GANC: variants seen among roughly 807,000 people sequenced by gnomAD.
The protein encoded by GANC is glucosidase alpha, neutral C.
GANC carries 117 observed loss-of-function variants against 124.2 expected under a neutral mutation model. The ratio of observed to expected loss-of-function variants is 0.94; its 90% confidence interval spans 0.81 to 1.10. GANC has a LOEUF of 1.10. GANC is among the 50% of genes least tolerant of loss of function. The probability of loss-of-function intolerance (pLI) is 0.00; values close to 1 mark genes in which losing one functional copy is unlikely to be tolerated. For synonymous variants in GANC, 377 were observed against 376.8 expected (o/e 1.00, Z -0.01); for missense variants, 1,140 against 1,095.0 (o/e 1.04, Z -0.58).
Position 42,345,773 on chromosome 15 carries a change from A to G in GANC, c.2245A>G (p.Lys749Glu). 6.2e-7 allele frequency: 1 copy of G among 1,611,058 alleles called. No homozygotes were observed. Among genetic ancestry groups the G allele is most frequent in the Non-Finnish European group, 8.5e-7 (1 of 1,177,338 alleles). The change falls in exon 20 of 24, where the codon AAG becomes GAG. Residue 749 changes from lysine (K) to glutamate (E), a missense_variant. Coordinates refer to ENST00000318010, the MANE Select transcript of GANC (RefSeq NM_198141.3). Reference protein sequence around the residue: ...PGSNEVWYDYKTFAHWEGGCT... With the variant: ...PGSNEVWYDYETFAHWEGGCT... ...TACTTTCTAGGTCTGGTATGACTAT[A>G]AGACATTTGCTCATTGGGAAGGAGG... is the stretch of plus-strand genomic sequence containing the variant.
At chr15:42,329,604 A>G (rs1044492749) in intron 14 of GANC, 155 bp downstream of exon 14, 4 of 530,118 alleles carry the variant, frequency 7.5e-6, no homozygotes, top group Non-Finnish European at 1.2e-5. Context: ...TAGCCAATAC[A>G]AGACTTTTTA....
At chr15:42,292,627 T>C in intron 4 of GANC, 108 bp from the exon 5 acceptor site, 4 of 1,087,832 alleles carry the variant, frequency 3.7e-6, no homozygotes, top group Non-Finnish European at 5.3e-6. Context: ...TATCTATGGC[T>C]ATGTCACATG....
rs867813136 is a variant in GANC at position 42,273,578 on chromosome 15, A to C, written c.-904A>C. The C allele has an allele frequency of 1.3e-5, 14 of 1,100,282 alleles. No homozygotes were observed. The highest frequency in any genetic ancestry group is 3.0e-4 in the Middle Eastern group (1 of 3,294). 68.2% of individuals were successfully genotyped at this position (1,100,282 alleles called of 1,614,324 possible). Reference sequence around the variant, plus strand: ...TCGTCTGTGCGCCGTGAGACTTTGGACCTACTGCGCAGGCGTCATCCTGTT... The same window carrying C: ...TCGTCTGTGCGCCGTGAGACTTTGGCCCTACTGCGCAGGCGTCATCCTGTT... On this transcript the variant is annotated 5_prime_UTR_variant, in exon 1 of 24. Coordinates refer to ENST00000318010, the MANE Select transcript of GANC (RefSeq NM_198141.3).
intron 7 of GANC, among the ~76,000 whole-genome samples, chr15:42,307,368 CTG>C (rs1379354024): frequency 7.2e-6 from 1 of 138,640 alleles, no homozygotes; most frequent in Non-Finnish European, 1.5e-5. Context: ...GGTTCTCACT[CTG>C]TCACCCAGGC....
intron 6 of GANC, among the ~76,000 whole-genome samples, chr15:42,301,029 AAAGAAAG>A (rs753345657): frequency 1.4e-4 from 20 of 145,086 alleles, no homozygotes; most frequent in African/African-American, 2.7e-4. Flanking sequence ...AAAAAAAAAA[AAAGAAAG>A]AAAGAAAGAA....
intron 10 of GANC, among the ~76,000 whole-genome samples, chr15:42,316,655 G>A (rs1430843384): frequency 2.6e-5 from 4 of 152,182 alleles, no homozygotes; most frequent in South Asian, 2.1e-4. Flanking sequence ...CTACAGGGAG[G>A]GGTTTAAGCC....
At chr15:42,301,720 T>G (rs1455268079) in intron 6 of GANC, among the ~76,000 whole-genome samples, 1 of 152,062 alleles carries the variant, frequency 6.6e-6, no homozygotes, top group Non-Finnish European at 1.5e-5. Flanking sequence ...CCCCTCACAG[T>G]CTAAACAGAG....
chr15:42,350,364 T>C (rs2052417575), intron 22 of GANC, among the ~76,000 whole-genome samples: 1 of 151,786 alleles, frequency 6.6e-6, no homozygotes, highest in Non-Finnish European at 1.5e-5. Context: ...AGGACTTAAT[T>C]TAAGTTCCCA....
At chr15:42,326,179 T>A in intron 11 of GANC, 119 bp from the exon 12 acceptor site, 1 of 698,228 alleles carries the variant, frequency 1.4e-6, no homozygotes, top group Non-Finnish European at 2.5e-6. Flanking sequence ...TCTGAAATAT[T>A]TCAATACTAG....
At chr15:42,288,620 G>T (rs2051813884) in intron 4 of GANC, among the ~76,000 whole-genome samples, 1 of 152,130 alleles carries the variant, frequency 6.6e-6, no homozygotes, top group South Asian at 2.1e-4. Flanking sequence ...ATCATCAAAA[G>T]TTTAAAATAT....
chr15:42,281,349 A>T (rs1343771542), intron 3 of GANC, among the ~76,000 whole-genome samples: 1 of 152,180 alleles, frequency 6.6e-6, no homozygotes, highest in East Asian at 1.9e-4. Context: ...GTGATCACTA[A>T]TGTTGCCTGC....
Position 42,352,384 on chromosome 15 carries a change from T to A in GANC, c.*245T>A, listed in dbSNP as rs2052454984. ...TCCTTTTCTCCCTGATACATAGCCC[T>A]GAGACATTTATAGCGTTCAGGAGTC... On this transcript the variant is annotated 3_prime_UTR_variant, in exon 24 of 24. Coordinates refer to ENST00000318010, the MANE Select transcript of GANC (RefSeq NM_198141.3). The A allele has an allele frequency of 7.8e-7, 1 of 1,282,006 alleles. No individual in the cohort carries two copies. Among genetic ancestry groups the A allele is most frequent in the Non-Finnish European group, 9.9e-7 (1 of 1,005,494 alleles). The allele number at this position is 1,282,006 out of a possible 1,614,324, so 79.4% of individuals were successfully genotyped here. A position where few individuals can be genotyped will look rare whatever the true frequency, so the allele number is the denominator to read the frequency against.
At chr15:42,274,923 A>G (rs2051645246) in intron 1 of GANC, among the ~76,000 whole-genome samples, 1 of 152,214 alleles carries the variant, frequency 6.6e-6, no homozygotes, top group Non-Finnish European at 1.5e-5. Context: ...GTTAAATAAC[A>G]TTAACAGTGG....
rs1395786648 is a variant in GANC, at chr15:42,273,232, A to C, written c.-1250A>C. ...CCACCCCTTGCTCCTCTAGGTTCAG[A>C]CGTTAGTGAAGTGAATACTCACCGA... On this transcript the variant is annotated 5_prime_UTR_variant, in exon 1 of 24. Coordinates refer to ENST00000318010, the MANE Select transcript of GANC (RefSeq NM_198141.3). 5 of 1,613,638 alleles carry C rather than the reference A, an allele frequency of 3.1e-6. No individual in the cohort carries two copies. In the East Asian group the frequency reaches 1.1e-4, roughly 36 times the overall value.
intron 6 of GANC, among the ~76,000 whole-genome samples, chr15:42,304,205 G>C (rs7171379): frequency 0.91 from 138,531 of 152,264 alleles, 64,373 homozygotes; most frequent in Non-Finnish European, 1. Context: ...AGAAACCTCA[G>C]TCAAAACTGC....
chr15:42,321,961 A>G lies in GANC; in HGVS notation c.1234A>G (p.Lys412Glu), dbSNP rs779151242. 5 of 1,614,156 alleles carry G rather than the reference A, an allele frequency of 3.1e-6. No homozygotes were observed. In the South Asian group the frequency reaches 3.3e-5, roughly 11 times the overall value. ...TEGKRYFTWD[K>E]NRFPNPKRMQ... ...GGGCAAGAGGTACTTCACCTGGGAC[A>G]AAAACAGATTCCCAAACCCCAAGAG... Residue 412 changes from lysine (K) to glutamate (E), a missense_variant, in exon 11 of 24, where the codon AAA (lysine) becomes GAA (glutamate). Transcript: ENST00000318010.
intron 3 of GANC, 82 bp from the exon 4 acceptor site, chr15:42,287,609 C>G: frequency 6.9e-7 from 1 of 1,439,330 alleles, no homozygotes; most frequent in Non-Finnish European, 9.4e-7. Flanking sequence ...GAAACAAATA[C>G]TTTCCTAATT....
At chr15:42,333,338 AG>A (rs939843716) in intron 15 of GANC, among the ~76,000 whole-genome samples, 6 of 151,980 alleles carry the variant, frequency 3.9e-5, no homozygotes, top group African/African-American at 1.5e-4. Flanking sequence ...AAAAAAAAAA[AG>A]AATTTTTTTT....
At position 42,349,371 on chromosome 15, in the gene GANC, T is replaced by C. The variant is rs111946277; in HGVS notation, c.2419-12T>C. Reference sequence around the variant, plus strand: ...ATATAAGCACATTCTGTCTCTGTGATTCATTCTCCAGGGTTCTTCAGTGGG... The same window carrying C: ...ATATAAGCACATTCTGTCTCTGTGACTCATTCTCCAGGGTTCTTCAGTGGG... On this transcript the variant is annotated splice_polypyrimidine_tract_variant and intron_variant, in intron 21 of 23. Transcript: ENST00000318010. 6.7e-7 allele frequency: 1 copy of C among 1,497,508 alleles called. No individual in the cohort carries two copies. The highest frequency in any genetic ancestry group is 9.3e-7 in the Non-Finnish European group (1 of 1,073,796). The allele number at this position is 1,497,508 out of a possible 1,614,324, so 92.8% of individuals were successfully genotyped here.
Sources: allele counts gnomAD v4.1 joint callset (sites outside exome capture counted in the v4.1 genomes callset), GRCh38; gene constraint gnomAD v4.1.1; transcripts MANE v1.5; gene names NCBI Gene and HGNC (gene_info 2026-07-23, HGNC 2026-07-21).